TIAM1: variants seen among roughly 807,000 people sequenced by gnomAD.
The protein encoded by TIAM1 is rho guanine nucleotide exchange factor TIAM1.
A neutral mutation model predicts 163.5 loss-of-function variants in TIAM1; 65 were observed. The ratio of observed to expected loss-of-function variants is 0.40; its 90% confidence interval spans 0.33 to 0.49. The LOEUF (loss-of-function observed/expected upper bound fraction) is 0.49. Among genes scored for constraint, TIAM1 ranks in the 20% least tolerant of loss-of-function variants. The pLI, the probability that TIAM1 is intolerant of heterozygous loss-of-function variation, is 0.77. For synonymous variants in TIAM1, 833 were observed against 810.1 expected, an observed-to-expected ratio of 1.03 and a Z score of -0.48; for missense variants, 1,789 against 2,044.7, an observed-to-expected ratio of 0.87 and a Z score of 2.41.
chr21:31,191,700 C>T (rs1459105383), intron 13 of TIAM1, among the ~76,000 whole-genome samples: 1 of 152,218 alleles, frequency 6.6e-6, no homozygotes, highest in Non-Finnish European at 1.5e-5. Context: ...GTTTGTAACA[C>T]TCTCAAGACT....
chr21:31,172,306 T>G (rs1049818084), intron 15 of TIAM1, among the ~76,000 whole-genome samples: 9 of 148,304 alleles, frequency 6.1e-5, no homozygotes, highest in Non-Finnish European at 1.2e-4. Flanking sequence ...AGTTTGTTTG[T>G]TTTTTTTTTA....
intron 2 of TIAM1, among the ~76,000 whole-genome samples, chr21:31,408,810 G>A (rs566147708): frequency 2.6e-4 from 39 of 152,294 alleles, no homozygotes; most frequent in Non-Finnish European, 2.9e-4. Context: ...CCACAAGAGC[G>A]TCAGCATCAC....
At chr21:31,410,912 T>C (rs2077346769) in intron 2 of TIAM1, among the ~76,000 whole-genome samples, 1 of 152,074 alleles carries the variant, frequency 6.6e-6, no homozygotes, top group South Asian at 2.1e-4. Context: ...TCAGCTGAAG[T>C]GAGAGCATTA....
intron 2 of TIAM1, among the ~76,000 whole-genome samples, chr21:31,301,153 G>A (rs2074481488): frequency 6.6e-6 from 1 of 152,174 alleles, no homozygotes; most frequent in Non-Finnish European, 1.5e-5. Flanking sequence ...TAGGACAGGG[G>A]CGAGAATGGA....
chr21:31,232,555 T>C (rs917381862), intron 6 of TIAM1, among the ~76,000 whole-genome samples: 26 of 152,176 alleles, frequency 1.7e-4, no homozygotes, highest in African/African-American at 4.8e-4. Flanking sequence ...CAACATTTCA[T>C]GACCATTTAC....
chr21:31,447,103 A>C (rs2044653829), intron 2 of TIAM1, among the ~76,000 whole-genome samples: 2 of 152,126 alleles, frequency 1.3e-5, no homozygotes, highest in African/African-American at 4.8e-5. Flanking sequence ...AAGATAGAAA[A>C]GTAGGCCAGA....
chr21:31,233,700 C>A (rs562294223), intron 6 of TIAM1, among the ~76,000 whole-genome samples: 1 of 152,134 alleles, frequency 6.6e-6, no homozygotes, highest in Middle Eastern at 3.2e-3. Flanking sequence ...AGCGAGACTC[C>A]GTCTCAAAAA....
In TIAM1 at chr21:31,135,955, C is replaced by T. The variant is rs769491977; in HGVS notation, c.3861G>A (p.Lys1287=). The T allele has an allele frequency of 7.1e-5, 114 of 1,614,000 alleles. No homozygotes were observed. The highest frequency in any genetic ancestry group is 9.3e-5 in the Non-Finnish European group (110 of 1,180,026). Reference sequence around the variant, plus strand: ...CACCGAATGCTGCCAACTCTGGTTCCTTTTTCCACTTGCCCAGCGAGGCCG... The same window carrying T: ...CACCGAATGCTGCCAACTCTGGTTCTTTTTTCCACTTGCCCAGCGAGGCCG... ...NPPASLGKWK[K]EPELAAFVFK... Residue 1287 remains lysine, a synonymous_variant, in exon 23 of 28, where the codon AAG becomes AAA. Coordinates refer to ENST00000541036, the MANE Select transcript of TIAM1 (RefSeq NM_001353694.2).
At chr21:31,384,981 T>G (rs1221196130) in intron 2 of TIAM1, among the ~76,000 whole-genome samples, 1 of 152,176 alleles carries the variant, frequency 6.6e-6, no homozygotes, top group South Asian at 2.1e-4. Context: ...AATCCTTTGT[T>G]GAAATGGAAT....
At chr21:31,543,242 C>T (rs2048375451) in intron 1 of TIAM1, among the ~76,000 whole-genome samples, 1 of 152,204 alleles carries the variant, frequency 6.6e-6, no homozygotes, top group Non-Finnish European at 1.5e-5. Flanking sequence ...CCTCTCTGAT[C>T]TCTCCTGAGT....
intron 2 of TIAM1, among the ~76,000 whole-genome samples, chr21:31,373,253 G>A (rs11701132): frequency 4.6e-5 from 7 of 152,124 alleles, no homozygotes; most frequent in Non-Finnish European, 7.4e-5. Flanking sequence ...CTATACCACT[G>A]CACTCCAGCT....
chr21:31,202,437 G>A (rs1220111484), intron 12 of TIAM1, among the ~76,000 whole-genome samples: 12 of 151,954 alleles, frequency 7.9e-5, no homozygotes, highest in Middle Eastern at 3.4e-3. Context: ...ATGGAGCTGC[G>A]TGCCTGTGGT....
chr21:31,213,866 C>CCAAAAAAAAAAAAAAAAAAA (rs71318260), intron 9 of TIAM1, among the ~76,000 whole-genome samples: 2 of 54,878 alleles, frequency 3.6e-5, no homozygotes, highest in African/African-American at 1.2e-4. Context: ...CTCATCTCTA[C>CCAAAAAAAAAAAAAAAAAAA]AAAAAAAAAA....
At chr21:31,531,622 G>C (rs982943278) in intron 1 of TIAM1, among the ~76,000 whole-genome samples, 3 of 152,016 alleles carry the variant, frequency 2.0e-5, no homozygotes, top group African/African-American at 7.2e-5. Flanking sequence ...GAAAAAGGAG[G>C]ATCAAAGAGG....
At chr21:31,332,832 A>G (rs1480901164) in intron 2 of TIAM1, among the ~76,000 whole-genome samples, 2 of 152,056 alleles carry the variant, frequency 1.3e-5, no homozygotes, top group South Asian at 2.1e-4. Flanking sequence ...GCTCTTCATG[A>G]CTAAATGGCT....
intron 1 of TIAM1, among the ~76,000 whole-genome samples, chr21:31,551,497 G>C (rs1026390170): frequency 1.5e-4 from 23 of 152,228 alleles, no homozygotes; most frequent in African/African-American, 5.5e-4. Context: ...CCAGAACTTT[G>C]GGAGGCTGAG....
chr21:31,132,966 C>T (rs978342026), intron 23 of TIAM1, among the ~76,000 whole-genome samples: 1 of 152,218 alleles, frequency 6.6e-6, no homozygotes. Flanking sequence ...AACATCAAGG[C>T]GCTTCGTTGG....
intron 2 of TIAM1, among the ~76,000 whole-genome samples, chr21:31,389,037 A>C (rs1029562480): frequency 7.2e-5 from 11 of 151,984 alleles, no homozygotes. Flanking sequence ...CACGCACTCA[A>C]CTCCACCACT....
At chr21:31,345,149 G>A (rs1376973077), upstream of TIAM1, among the ~76,000 whole-genome samples, 1 of 152,186 alleles carries the variant, frequency 6.6e-6, no homozygotes, top group African/African-American at 2.4e-5. Context: ...TAAATCTGAA[G>A]TGACAAGTGA....
Sources: gnomAD v4.1 joint callset for allele counts (sites outside exome capture counted in the v4.1 genomes callset) on GRCh38, gnomAD v4.1.1 for gene constraint, MANE v1.5 for transcripts, NCBI Gene and HGNC (gene_info 2026-07-23, HGNC 2026-07-21) for gene names.